The following KIAA1210 variants were observed in gnomAD, a reference collection of about 807,000 sequenced individuals.
KIAA1210 encodes acrosomal protein KIAA1210.
A neutral mutation model predicts 78.9 loss-of-function variants in KIAA1210; 48 were observed. The ratio of observed to expected loss-of-function variants is 0.61; its 90% CI spans 0.48 to 0.77. The LOEUF (loss-of-function observed/expected upper bound fraction) is 0.77. KIAA1210 is among the 30% of genes least tolerant of loss of function. KIAA1210 has a pLI of 0.00. For synonymous variants in KIAA1210, 406 were observed against 404.5 expected (o/e 1.00, Z -0.04); for missense variants, 1,108 against 1,100.0 (o/e 1.01, Z -0.10).
At chrX:119,121,786 T>G (rs1476400148) in intron 2 of KIAA1210, among the ~76,000 whole-genome samples, 1 of 110,833 alleles carries the variant, frequency 9.0e-6, no homozygotes, top group Non-Finnish European at 1.9e-5. Context: ...TTTTTTTTTT[T>G]GAGACGGAGT....
At chrX:119,106,942 C>A (rs1927911852) in intron 5 of KIAA1210, among the ~76,000 whole-genome samples, 1 of 112,448 alleles carries the variant, frequency 8.9e-6, no homozygotes, top group Non-Finnish European at 1.9e-5. Context: ...ACCCCACTGG[C>A]CAATTTCATG....
intron 2 of KIAA1210, among the ~76,000 whole-genome samples, chrX:119,123,351 A>T (rs1046155340): frequency 1.8e-5 from 2 of 112,239 alleles, no homozygotes; most frequent in Non-Finnish European, 3.8e-5. Context: ...AAAAAGCCTT[A>T]GTAAGTAAAA....
At chrX:119,097,556 G>T (rs1927594456) in intron 6 of KIAA1210, among the ~76,000 whole-genome samples, 1 of 112,146 alleles carries the variant, frequency 8.9e-6, no homozygotes, top group Admixed American at 9.5e-5. Flanking sequence ...TTAGCAAGTA[G>T]ACAGAATCTC....
At chrX:119,117,774 G>A (rs1207238248) in intron 2 of KIAA1210, among the ~76,000 whole-genome samples, 2 of 109,663 alleles carry the variant, frequency 1.8e-5, no homozygotes, top group African/African-American at 6.6e-5. Context: ...TTGTAGAGAC[G>A]ACGCTCTAGA....
At position 119,137,515 on chromosome X, in the gene KIAA1210, A is replaced by C. The variant is rs72607644; in HGVS notation, c.410+9958T>G. 8.3e-3 allele frequency among the ~76,000 whole-genome samples: 940 copies of C among 112,609 alleles called. 29 individuals carry two copies. The South Asian group carries it at 0.17, about 20-fold the overall frequency. Reference sequence around the variant, plus strand: ...TTTGGACCTCAGTTCTCACATTTGTAAAATAAGATGAGGCAAAATTATCAT... The same window carrying C: ...TTTGGACCTCAGTTCTCACATTTGTCAAATAAGATGAGGCAAAATTATCAT... On this transcript the variant is annotated intron_variant, in intron 2 of 13. Transcript: ENST00000402510.
intron 3 of KIAA1210, among the ~76,000 whole-genome samples, chrX:119,112,733 C>G (rs1928120705): frequency 9.0e-6 from 1 of 111,661 alleles, no homozygotes; most frequent in South Asian, 3.8e-4. Flanking sequence ...GGTGGTGCCC[C>G]CATACATTGC....
At position 119,093,071 on chromosome X, in the gene KIAA1210, A is replaced by T. The variant is rs759658277; in HGVS notation, c.955+596T>A. 2.2e-4 allele frequency among the ~76,000 whole-genome samples: 25 copies of T among 111,859 alleles called. No homozygotes were observed. The South Asian group carries it at 4.9e-3, about 22-fold the overall frequency. ...TCCACATATGCACCCACATAAACACACAGAGAGATTTTCACTCTGGTGATA... is the reference window on the plus strand; with the variant it reads ...TCCACATATGCACCCACATAAACACTCAGAGAGATTTTCACTCTGGTGATA... On this transcript the variant is annotated intron_variant, in intron 8 of 11. Coordinates refer to ENST00000691062, the MANE Select transcript of KIAA1210 (RefSeq NM_001394962.1).
intron 2 of KIAA1210, among the ~76,000 whole-genome samples, chrX:119,120,480 A>AT (rs1453221552): frequency 7.1e-5 from 8 of 112,167 alleles, no homozygotes; most frequent in African/African-American, 2.6e-4. Flanking sequence ...GACTAACTGG[A>AT]TAAAAACATG....
intron 2 of KIAA1210, among the ~76,000 whole-genome samples, chrX:119,142,641 G>A (rs371807067): frequency 1.6e-3 from 179 of 109,189 alleles, no homozygotes; most frequent in African/African-American, 5.5e-3. Flanking sequence ...ACTGGGCGTG[G>A]TGGTGCATGC....
chrX:119,127,540 G>C (rs1928681939), intron 1 of KIAA1210, among the ~76,000 whole-genome samples, 187 bp downstream of exon 1: 1 of 110,620 alleles, frequency 9.0e-6, no homozygotes, highest in Non-Finnish European at 1.9e-5. Context: ...CTTTTAGCAG[G>C]CACTCTGTTG....
intron 3 of KIAA1210, among the ~76,000 whole-genome samples, chrX:119,112,843 T>C (rs758282466): frequency 3.6e-5 from 4 of 111,656 alleles, no homozygotes; most frequent in Non-Finnish European, 7.5e-5. Flanking sequence ...CACTCCTAGG[T>C]ATATATCCCA....
At chrX:119,145,212 T>A (rs968640915) in intron 2 of KIAA1210, among the ~76,000 whole-genome samples, 2 of 110,591 alleles carry the variant, frequency 1.8e-5, no homozygotes, top group Non-Finnish European at 3.8e-5. Context: ...TTTGGGAAAC[T>A]GTTATTAGTT....
At chrX:119,082,669 G>C (rs778950457) in intron 11 of KIAA1210, among the ~76,000 whole-genome samples, 7 of 112,001 alleles carry the variant, frequency 6.2e-5, no homozygotes, top group African/African-American at 2.3e-4. Flanking sequence ...TAGAAAGTGA[G>C]AAAATACCGC....
intron 2 of KIAA1210, among the ~76,000 whole-genome samples, chrX:119,119,066 G>A (rs894641470): frequency 1.8e-5 from 2 of 112,198 alleles, no homozygotes; most frequent in African/African-American, 3.2e-5. Context: ...TTCAGCATAC[G>A]ATAATTTAAA....
At position 119,089,179 on chromosome X, in the gene KIAA1210, A is replaced by G; in HGVS notation, c.1523T>C (p.Ile508Thr). 4.1e-6 allele frequency: 5 copies of G among 1,210,684 alleles called. No homozygotes were observed. Among genetic ancestry groups the G allele is most frequent in the Non-Finnish European group, 5.6e-6 (5 of 894,730 alleles). Residue 508 changes from isoleucine to threonine, a missense_variant, in exon 9 of 12, where the codon ATT becomes ACT. By Grantham distance (89) the Ile-to-Thr change is moderately conservative. Transcript: ENST00000691062. Reference protein sequence around the residue: ...ESLSTTQEEAILSVAAEAQVF... With the variant: ...ESLSTTQEEATLSVAAEAQVF... ...CTGAGCCTCTGCTGCTACTGAGAGA[A>G]TGGCCTCCTCTTGGGTTGTAGAAAG...
rs1927955251 is a variant in KIAA1210 at position 119,108,377 on chromosome X, G to A, written c.452C>T (p.Pro151Leu). 8.3e-7 allele frequency: 1 copy of A among 1,208,461 alleles called. No individual in the cohort carries two copies. Among genetic ancestry groups the A allele is most frequent in the South Asian group, 1.8e-5 (1 of 56,693 alleles). ...AMSGAVLQNV[P>L]TSAVWVAGPK... The stretch of plus-strand genomic sequence containing the variant: ...GCCAGCAACCCAGACTGCACTTGTA[G>A]GCACATTTTGAAGCACAGCTCCTGA... The change falls in exon 5 of 12, where the codon CCT (proline) becomes CTT (leucine). Residue 151 changes from proline to leucine, a missense_variant. Physicochemically the swap from Pro to Leu is moderately conservative, Grantham distance 98. Coordinates refer to ENST00000691062, the MANE Select transcript of KIAA1210 (RefSeq NM_001394962.1).
chrX:119,108,888 G>T (rs1347399970), intron 4 of KIAA1210, among the ~76,000 whole-genome samples, 188 bp downstream of exon 4: 1 of 110,102 alleles, frequency 9.1e-6, no homozygotes, highest in African/African-American at 3.3e-5. Context: ...AATCAACACT[G>T]TGTGCCAGGT....
At chrX:119,133,671 CTT>C (rs1304936746) in intron 2 of KIAA1210, among the ~76,000 whole-genome samples, 8 of 95,455 alleles carry the variant, frequency 8.4e-5, no homozygotes, top group Non-Finnish European at 1.5e-4. Flanking sequence ...TCTTTTCTTT[CTT>C]TTTTTTTTTT....
At chrX:119,105,382 C>G (rs759538711) in intron 5 of KIAA1210, among the ~76,000 whole-genome samples, 45 of 112,201 alleles carry the variant, frequency 4.0e-4, no homozygotes, top group Non-Finnish European at 6.6e-4. Context: ...GTGCTGCACA[C>G]TTTTGCCAAT....
Sources: allele counts gnomAD v4.1 joint callset (sites outside exome capture counted in the v4.1 genomes callset), GRCh38; gene constraint gnomAD v4.1.1; transcripts MANE v1.5; gene names NCBI Gene and HGNC (gene_info 2026-07-23, HGNC 2026-07-21).